Variants in DOP1B observed in about 807,000 individuals in gnomAD.
DOP1B encodes the protein protein DOP1B.
DOP1B carries 174 observed loss-of-function variants against 233.5 expected under a neutral mutation model. The observed-to-expected ratio is 0.75, with a 90% CI of 0.66 to 0.85. The LOEUF (loss-of-function observed/expected upper bound fraction) is 0.85, where lower values mean the gene tolerates loss of function less well. Ranked by LOEUF, DOP1B falls within the 40% of genes least tolerant of loss-of-function variation. The pLI, the probability that DOP1B is intolerant of heterozygous loss-of-function variation, is 0.00. For missense variants in DOP1B, 2,652 were observed against 2,846.6 expected (o/e 0.93, Z 1.56); for synonymous variants, 1,190 against 1,185.6 (o/e 1.00, Z -0.08).
rs775630007 is a variant in DOP1B at position 36,278,197 on chromosome 21, A to G, written c.5823-12A>G. ...TTGACCTTGACCCTTCTCTCTTCCC[A>G]CTCCCACTCAGTGCCTACAATGCTC... On this transcript the variant is annotated splice_polypyrimidine_tract_variant and intron_variant, in intron 29 of 36. Coordinates refer to ENST00000691173, the MANE Select transcript of DOP1B (RefSeq NM_001320714.2). 7 of 1,612,656 alleles carry G rather than the reference A, an allele frequency of 4.3e-6. No homozygotes were observed. The South Asian group carries it at 6.6e-5, about 15-fold the overall frequency.
Position 36,247,637 on chromosome 21 carries a change from T to TG in DOP1B, c.4809+9_4809+10insG, listed in dbSNP as rs2066983736. ...CCAACCAAAACAAAAAGGTAAATTT[T>TG]TTTTTTTCCTGAGTTCAAGGCAATT... On this transcript the variant is annotated intron_variant, in intron 20 of 36. Transcript: ENST00000691173. 1.0e-5 allele frequency: 16 copies of TG among 1,583,142 alleles called. No homozygotes were observed. The highest frequency in any genetic ancestry group is 1.4e-5 in the Non-Finnish European group (16 of 1,168,420).
intron 2 of DOP1B, among the ~76,000 whole-genome samples, chr21:36,181,024 A>G (rs2066092597): frequency 6.6e-6 from 1 of 152,192 alleles, no homozygotes; most frequent in Non-Finnish European, 1.5e-5. Context: ...GTAGACAGGT[A>G]TACCGTCAAC....
At chr21:36,274,643 C>T (rs2146239644) in intron 27 of DOP1B, among the ~76,000 whole-genome samples, 1 of 152,002 alleles carries the variant, frequency 6.6e-6, no homozygotes, top group South Asian at 2.1e-4. Flanking sequence ...CAAAGTGCAA[C>T]AGGAAGGGGC....
chr21:36,291,379 TG>T, intron 35 of DOP1B, among the ~76,000 whole-genome samples: 1 of 152,032 alleles, frequency 6.6e-6, no homozygotes, highest in Admixed American at 6.6e-5. Context: ...GCCAAGATGG[TG>T]AAACCCCGTC....
At chr21:36,160,148 A>G (rs1479701153) in intron 1 of DOP1B, among the ~76,000 whole-genome samples, 1 of 137,508 alleles carries the variant, frequency 7.3e-6, no homozygotes, top group Non-Finnish European at 1.6e-5. Context: ...AATAATAATA[A>G]TAATATGGAC....
chr21:36,261,753 C>T (rs1398330958), intron 24 of DOP1B: 5 of 744,184 alleles, frequency 6.7e-6, no homozygotes, highest in Non-Finnish European at 8.2e-6. Flanking sequence ...ACTAAAACTA[C>T]AAAAAATTAG....
intron 2 of DOP1B, among the ~76,000 whole-genome samples, chr21:36,166,049 A>G (rs1279578164): frequency 6.6e-6 from 1 of 151,472 alleles, no homozygotes; most frequent in Non-Finnish European, 1.5e-5. Flanking sequence ...ATACCTGATG[A>G]TCTGAGGTGG....
intron 2 of DOP1B, among the ~76,000 whole-genome samples, chr21:36,183,424 T>C (rs1330291339): frequency 1.3e-5 from 2 of 152,250 alleles, no homozygotes; most frequent in Non-Finnish European, 2.9e-5. Flanking sequence ...CAGCCACACA[T>C]GTCCTAGCTG....
intron 23 of DOP1B, among the ~76,000 whole-genome samples, chr21:36,260,186 C>A (rs1238515114): frequency 1.2e-5 from 1 of 85,798 alleles, no homozygotes. Flanking sequence ...AGAAGGAATG[C>A]AAAGAAAGAA....
chr21:36,283,989 C>A (rs2067450561), intron 32 of DOP1B, among the ~76,000 whole-genome samples: 1 of 145,708 alleles, frequency 6.9e-6, no homozygotes, highest in Non-Finnish European at 1.5e-5. Flanking sequence ...GCTCTGTCAC[C>A]CAGGCTGGAG....
chr21:36,283,936 CTTTTT>C (rs547999186), intron 32 of DOP1B, among the ~76,000 whole-genome samples: 5 of 100,998 alleles, frequency 5.0e-5, no homozygotes, highest in African/African-American at 1.2e-4. Flanking sequence ...ACACCTGTTC[CTTTTT>C]TTTTTTTTTT....
intron 26 of DOP1B, among the ~76,000 whole-genome samples, chr21:36,264,465 C>CTT (rs766718183): frequency 7.1e-6 from 1 of 140,396 alleles, no homozygotes. Context: ...TTCTTTTTTT[C>CTT]TTTTTTTTTT....
chr21:36,176,772 A>C (rs2066036986), intron 2 of DOP1B, among the ~76,000 whole-genome samples: 1 of 152,102 alleles, frequency 6.6e-6, no homozygotes, highest in African/African-American at 2.4e-5. Context: ...TCTTGGCACC[A>C]GTATTTAGAA....
At chr21:36,265,653 A>G (rs527994128) in intron 26 of DOP1B, among the ~76,000 whole-genome samples, 11 of 152,176 alleles carry the variant, frequency 7.2e-5, no homozygotes, top group Admixed American at 5.9e-4. Flanking sequence ...TGCAGCTGGC[A>G]TGCCTCTTCT....
At chr21:36,194,485 C>CTTTTTTTTTTTTTT (rs1432687395) in intron 2 of DOP1B, among the ~76,000 whole-genome samples, 1 of 124,564 alleles carries the variant, frequency 8.0e-6, no homozygotes, top group Non-Finnish European at 1.7e-5. Context: ...CTCTCTCTCT[C>CTTTTTTTTTTTTTT]TCTTTTTTTT....
chr21:36,240,783 A>G (rs1339308046), intron 18 of DOP1B, among the ~76,000 whole-genome samples: 1 of 152,250 alleles, frequency 6.6e-6, no homozygotes, highest in East Asian at 1.9e-4. Context: ...ATTACTTCCT[A>G]CAATAGCTGT....
Position 36,211,609 on chromosome 21 carries a change from T to C in DOP1B, c.738T>C (p.Asn246=), listed in dbSNP as rs1317407537. ...CAAATGTTCTTGTGCAAAGAAATAA[T>C]CTGGAAATCGTTCTGTTTTTCTTCC... ...LDSNVLVQRN[N]LEIVLFFFPF... is the part of the protein sequence containing the mutation. Residue 246 remains asparagine, a synonymous_variant, in exon 6 of 37, where the codon AAT becomes AAC. Coordinates refer to ENST00000691173, the MANE Select transcript of DOP1B (RefSeq NM_001320714.2). 3.1e-6 allele frequency: 5 copies of C among 1,614,082 alleles called. No homozygotes were observed. Among genetic ancestry groups the C allele is most frequent in the Middle Eastern group, 1.6e-4 (1 of 6,082 alleles).
At chr21:36,211,699 G>A (rs1472925248) in intron 6 of DOP1B, 48 bp downstream of exon 6, 6 of 1,574,654 alleles carry the variant, frequency 3.8e-6, no homozygotes, top group Admixed American at 3.3e-5. Flanking sequence ...TTCCCAAGGG[G>A]TGGGATATAG....
chr21:36,255,120 T>C (rs1167052589), intron 23 of DOP1B, among the ~76,000 whole-genome samples: 1 of 151,604 alleles, frequency 6.6e-6, no homozygotes, highest in Non-Finnish European at 1.5e-5. Context: ...TGGCTAACTT[T>C]TGGTTTTGTT....
Sources: gnomAD v4.1 joint callset for allele counts (sites outside exome capture counted in the v4.1 genomes callset) on GRCh38, gnomAD v4.1.1 for gene constraint, MANE v1.5 for transcripts, NCBI Gene and HGNC (gene_info 2026-07-23, HGNC 2026-07-21) for gene names.